SLC16A1: variants seen among roughly 807,000 people sequenced by gnomAD.
SLC16A1 encodes solute carrier family 16 member 1.
Under a neutral mutation model 32.2 loss-of-function variants are expected in SLC16A1, and 11 were observed. The observed-to-expected ratio is 0.34, with a 90% CI of 0.21 to 0.56. The LOEUF (loss-of-function observed/expected upper bound fraction) is 0.56. Ranked by LOEUF, SLC16A1 falls within the 20% of genes least tolerant of loss-of-function variation. The probability of loss-of-function intolerance (pLI) is 0.87; values close to 1 mark genes in which losing one functional copy is unlikely to be tolerated. For missense variants in SLC16A1, 435 were observed against 615.0 expected, an observed-to-expected ratio of 0.71 and a Z score of 3.10; for synonymous variants, 231 against 226.8, an observed-to-expected ratio of 1.02 and a Z score of -0.17.
intron 1 of SLC16A1, among the ~76,000 whole-genome samples, chr1:112,933,455 C>CAAA (rs55668332): frequency 6.0e-5 from 5 of 83,716 alleles, no homozygotes; most frequent in Non-Finnish European, 9.5e-5. Flanking sequence ...GACTGCGTCT[C>CAAA]AAAAAAAAAA....
chr1:112,916,171 CTT>C (rs11299751), intron 4 of SLC16A1, among the ~76,000 whole-genome samples: 1,370 of 119,482 alleles, frequency 0.011, 16 homozygotes, highest in Middle Eastern at 0.018. Flanking sequence ...CTGAAATAAA[CTT>C]TTTTTTTTTT....
intron 1 of SLC16A1, among the ~76,000 whole-genome samples, chr1:112,933,186 T>C (rs547802078): frequency 7.9e-5 from 12 of 152,146 alleles, no homozygotes; most frequent in African/African-American, 2.2e-4. Context: ...ATAAAAAAAG[T>C]TGGCCGGGCG....
At position 112,926,329 on chromosome 1, in the gene SLC16A1, G is replaced by A. The variant is rs535619659; in HGVS notation, c.217+2763C>T. On this transcript the variant is annotated intron_variant, in intron 2 of 4. Transcript: ENST00000369626. ...GCCGTTGCCAGGCGCAGTGGCTCAC[G>A]CCTGTAATCCCAGCACTTTGGGATG... 1.3e-4 allele frequency among the ~76,000 whole-genome samples: 20 copies of A among 152,306 alleles called. No individual in the cohort carries two copies. In the East Asian group the frequency reaches 3.3e-3, roughly 25 times the overall value.
chr1:112,939,662 T>C (rs996140042), intron 1 of SLC16A1, among the ~76,000 whole-genome samples: 1 of 152,102 alleles, frequency 6.6e-6, no homozygotes, highest in East Asian at 1.9e-4. Context: ...TGTGCCACCA[T>C]GCCGGCCTAA....
intron 3 of SLC16A1, among the ~76,000 whole-genome samples, chr1:112,919,256 G>A (rs527914121): frequency 2.0e-5 from 3 of 151,942 alleles, no homozygotes; most frequent in Non-Finnish European, 4.4e-5. Flanking sequence ...GGATGGTCTC[G>A]ATCTCCTGAC....
At chr1:112,923,575 C>T (rs1479290855) in intron 2 of SLC16A1, 4 of 1,330,694 alleles carry the variant, frequency 3.0e-6, no homozygotes, top group Non-Finnish European at 4.3e-6. Flanking sequence ...AAAATTGATA[C>T]CAAGGCCAAT....
At position 112,917,393 on chromosome 1, in the gene SLC16A1, A is replaced by T; in HGVS notation, c.1013T>A (p.Val338Asp). The T allele has an allele frequency of 6.2e-7, 1 of 1,614,256 alleles. No homozygotes were observed. The highest frequency in any genetic ancestry group is 8.5e-7 in the Non-Finnish European group (1 of 1,180,040). Residue 338 changes from valine (V) to aspartate (D), a missense_variant, in exon 4 of 5, where the codon GTT becomes GAT. Around this residue, in one of 2 missense-constraint regions of SLC16A1, gnomAD observed 324 missense variants for 500.3 expected, o/e 0.65. Coordinates refer to ENST00000369626, the MANE Select transcript of SLC16A1 (RefSeq NM_003051.4). This position sits in a 1 kb window ranked among gnomAD's most constrained non-coding sequence, Gnocchi z 4.1. ...TAGCATATGACACACTCCATTTGCA[A>T]CAACGGAAGCCGCAAAGAAATACTG... ...RIQYFFAASV[V>D]ANGVCHMLAP... is the part of the protein sequence containing the mutation.
At chr1:112,922,756 T>C (rs984916585) in intron 2 of SLC16A1, among the ~76,000 whole-genome samples, 4 of 151,638 alleles carry the variant, frequency 2.6e-5, no homozygotes, top group Admixed American at 6.6e-5. Flanking sequence ...GCCTGGGCAA[T>C]AGAGTGAGAC....
intron 3 of SLC16A1, among the ~76,000 whole-genome samples, chr1:112,918,821 G>T (rs1319536654): frequency 1.3e-5 from 2 of 151,952 alleles, no homozygotes; most frequent in Non-Finnish European, 2.9e-5. Flanking sequence ...AAAAACGAAA[G>T]AAATAACATA....
intron 1 of SLC16A1, among the ~76,000 whole-genome samples, chr1:112,952,124 G>A (rs976366444): frequency 6.6e-6 from 1 of 152,110 alleles, no homozygotes; most frequent in Admixed American, 6.5e-5. Context: ...CTTCAATCTA[G>A]CTACCAATTT....
At chr1:112,934,969 T>C (rs757231279) in intron 1 of SLC16A1, among the ~76,000 whole-genome samples, 6 of 152,194 alleles carry the variant, frequency 3.9e-5, no homozygotes, top group African/African-American at 4.8e-5. Flanking sequence ...TCAGGAACTA[T>C]AGGCATAGCA....
intron 1 of SLC16A1, chr1:112,955,552 C>G (rs1650054685): frequency 6.6e-6 from 1 of 152,334 alleles, no homozygotes; most frequent in Non-Finnish European, 1.5e-5. Context: ...CAAGGATCGG[C>G]GGGCCAAGAA....
In SLC16A1 at chr1:112,917,005, T is replaced by G; in HGVS notation, c.1228+173A>C. On this transcript the variant is annotated intron_variant, in intron 4 of 4. Coordinates refer to ENST00000369626, the MANE Select transcript of SLC16A1 (RefSeq NM_003051.4). This position sits in a 1 kb window ranked among gnomAD's most constrained non-coding sequence, Gnocchi z 4.1. ...GCCTTGATGGTTCCATTTAATTAGA[T>G]TCTATATTTGAGCAATTATGCTGTG... The G allele has an allele frequency of 1.2e-6, 1 of 809,320 alleles. No individual in the cohort carries two copies. The highest frequency in any genetic ancestry group is 1.7e-5 in the African/African-American group (1 of 58,980). 50.1% of individuals were successfully genotyped at this position (809,320 alleles called of 1,614,324 possible). A position where few individuals can be genotyped will look rare whatever the true frequency, so the allele number is the denominator to read the frequency against.
intron 2 of SLC16A1, chr1:112,923,975 C>T: frequency 1.4e-6 from 2 of 1,469,354 alleles, no homozygotes; most frequent in Non-Finnish European, 1.9e-6. Flanking sequence ...CTGGCAAGTA[C>T]AAGTATAAGG....
At chr1:112,920,705 C>T (rs551641432) in intron 3 of SLC16A1, among the ~76,000 whole-genome samples, 91 of 152,084 alleles carry the variant, frequency 6.0e-4, no homozygotes, top group Admixed American at 2.8e-3. Context: ...TTTTCATAAT[C>T]TTGGAGTAGA....
chr1:112,930,059 A>G (rs765803053), intron 1 of SLC16A1, among the ~76,000 whole-genome samples: 1 of 152,190 alleles, frequency 6.6e-6, no homozygotes, highest in African/African-American at 2.4e-5. Context: ...AGCAAATATT[A>G]GTAAGCGTTT....
chr1:112,943,787 CAAAAAAA>C (rs60946516), intron 1 of SLC16A1, among the ~76,000 whole-genome samples: 1 of 49,496 alleles, frequency 2.0e-5, no homozygotes, highest in Non-Finnish European at 5.3e-5. Context: ...GACTCCATCT[CAAAAAAA>C]AAAAAAAAAA....
chr1:112,917,134 C>T lies in SLC16A1; in HGVS notation c.1228+44G>A. 6.2e-7 allele frequency: 1 copy of T among 1,613,430 alleles called. No individual in the cohort carries two copies. The highest frequency in any genetic ancestry group is 8.5e-7 in the Non-Finnish European group (1 of 1,179,610). The stretch of plus-strand genomic sequence containing the variant: ...TCTGTCAGCATTCCCATCTTACATG[C>T]TTGTTTTGTAATAGACCCACATTAG... On this transcript the variant is annotated intron_variant, in intron 4 of 4. Transcript: ENST00000369626. The surrounding 1 kb of genome is among the most constrained non-coding windows in gnomAD (Gnocchi z 4.1).
At chr1:112,926,636 G>C (rs1648949192) in intron 2 of SLC16A1, among the ~76,000 whole-genome samples, 1 of 152,126 alleles carries the variant, frequency 6.6e-6, no homozygotes, top group Non-Finnish European at 1.5e-5. Flanking sequence ...CACTTTGGGA[G>C]GCCAAGGTGG....
Sources: allele counts gnomAD v4.1 joint callset (sites outside exome capture counted in the v4.1 genomes callset), GRCh38; gene constraint gnomAD v4.1.1; regional missense constraint gnomAD v4.1.1; non-coding constraint Gnocchi (gnomAD v3.1); transcripts MANE v1.5; gene names NCBI Gene and HGNC (gene_info 2026-07-23, HGNC 2026-07-21).